Variants in LRMDA observed in about 807,000 individuals in gnomAD.
LRMDA encodes leucine rich melanocyte differentiation associated, also known as leucine-rich melanocyte differentiation-associated protein.
A neutral mutation model predicts 29.8 loss-of-function variants in LRMDA; 18 were observed. The observed-to-expected ratio is 0.60, with a 90% confidence interval of 0.42 to 0.90. LRMDA has a LOEUF of 0.90. LRMDA is among the 40% of genes least tolerant of loss of function. LRMDA has a pLI of 0.00. For synonymous variants in LRMDA, 125 were observed against 109.4 expected (o/e 1.14, Z -0.89); for missense variants, 273 against 273.9 (o/e 1.00, Z 0.02).
intron 2 of LRMDA, among the ~76,000 whole-genome samples, chr10:75,680,763 A>G (rs1842013626): frequency 6.6e-6 from 1 of 152,174 alleles, no homozygotes; most frequent in Non-Finnish European, 1.5e-5. Flanking sequence ...TAATCCCAGC[A>G]CTTTGAGAGG....
intron 2 of LRMDA, among the ~76,000 whole-genome samples, chr10:75,496,257 A>C (rs1455857682): frequency 2.6e-5 from 4 of 152,226 alleles, no homozygotes; most frequent in African/African-American, 9.6e-5. Flanking sequence ...ACCTGGGTTC[A>C]AATCCTCTTG....
chr10:75,591,517 C>T (rs1840724081), intron 2 of LRMDA, among the ~76,000 whole-genome samples: 1 of 152,170 alleles, frequency 6.6e-6, no homozygotes, highest in African/African-American at 2.4e-5. Flanking sequence ...CAGTTTCCTT[C>T]GTCTTTGTAC....
chr10:75,492,482 T>C (rs898744211), intron 2 of LRMDA, among the ~76,000 whole-genome samples: 1 of 152,232 alleles, frequency 6.6e-6, no homozygotes, highest in African/African-American at 2.4e-5. Context: ...CATTGAGGCA[T>C]TTAAGGAAGT....
At chr10:76,451,224 CAG>C (rs1410426895) in intron 6 of LRMDA, among the ~76,000 whole-genome samples, 1 of 150,984 alleles carries the variant, frequency 6.6e-6, no homozygotes, top group Non-Finnish European at 1.5e-5. Flanking sequence ...TTTTTTGAGA[CAG>C]AGTCTCGCTC....
chr10:75,721,683 G>T (rs959895397), intron 2 of LRMDA, among the ~76,000 whole-genome samples: 1 of 152,122 alleles, frequency 6.6e-6, no homozygotes, highest in Non-Finnish European at 1.5e-5. Context: ...CCTTTTCTAG[G>T]TGACATATCA....
chr10:76,256,194 A>G (rs543037708), intron 5 of LRMDA, among the ~76,000 whole-genome samples: 12 of 152,330 alleles, frequency 7.9e-5, no homozygotes, highest in Admixed American at 2.6e-4. Flanking sequence ...ATTGCAATAG[A>G]GTATCACAGT....
chr10:76,402,791 C>T (rs1371812817), intron 6 of LRMDA, among the ~76,000 whole-genome samples: 1 of 152,192 alleles, frequency 6.6e-6, no homozygotes, highest in Non-Finnish European at 1.5e-5. Flanking sequence ...GCGCTCCCTG[C>T]ATTTTCTACC....
At chr10:76,258,572 G>T (rs566913462) in intron 5 of LRMDA, among the ~76,000 whole-genome samples, 2 of 152,012 alleles carry the variant, frequency 1.3e-5, no homozygotes. Context: ...TTATCTGGCT[G>T]TAATTTTTCA....
chr10:75,615,442 C>T (rs1841086687), intron 2 of LRMDA, among the ~76,000 whole-genome samples: 1 of 152,124 alleles, frequency 6.6e-6, no homozygotes, highest in Non-Finnish European at 1.5e-5. Context: ...TTCTTTTGAG[C>T]ATCAAATTGG....
chr10:76,016,479 G>A (rs1847881091), intron 2 of LRMDA, among the ~76,000 whole-genome samples: 1 of 152,006 alleles, frequency 6.6e-6, no homozygotes. Context: ...CAAGAATTGG[G>A]ACTAGATTCT....
intron 6 of LRMDA, among the ~76,000 whole-genome samples, chr10:76,459,786 T>C (rs958569701): frequency 9.9e-5 from 15 of 152,160 alleles, no homozygotes; most frequent in Non-Finnish European, 4.4e-5. Flanking sequence ...AATTTTATTA[T>C]TATTATACTT....
At chr10:75,955,061 TA>T (rs1248681624) in intron 2 of LRMDA, among the ~76,000 whole-genome samples, 1 of 152,228 alleles carries the variant, frequency 6.6e-6, no homozygotes, top group Non-Finnish European at 1.5e-5. Flanking sequence ...CAGTGTTACA[TA>T]AAATCATGCT....
intron 2 of LRMDA, among the ~76,000 whole-genome samples, chr10:75,612,601 C>A (rs1164554263): frequency 6.7e-6 from 1 of 149,500 alleles, no homozygotes; most frequent in Admixed American, 6.7e-5. Context: ...TTCTGATTTC[C>A]AAAGAGTTTG....
intron 2 of LRMDA, among the ~76,000 whole-genome samples, chr10:75,989,059 A>G (rs1207167145): frequency 1.3e-5 from 2 of 152,052 alleles, no homozygotes; most frequent in African/African-American, 2.4e-5. Flanking sequence ...CTCATTTCCC[A>G]TGCAGGTTGC....
intron 2 of LRMDA, among the ~76,000 whole-genome samples, chr10:75,672,682 G>A (rs1247730579): frequency 1.4e-5 from 2 of 144,880 alleles, no homozygotes; most frequent in East Asian, 4.2e-4. Context: ...TGGTTCGAGC[G>A]ATTTTCCCAC....
At chr10:75,587,488 C>CT (rs1840671196) in intron 2 of LRMDA, among the ~76,000 whole-genome samples, 1 of 152,282 alleles carries the variant, frequency 6.6e-6, no homozygotes, top group African/African-American at 2.4e-5. Flanking sequence ...GCTAACCCAT[C>CT]TTTTATATAC....
At chr10:76,170,346 C>T (rs1245169134) in intron 5 of LRMDA, among the ~76,000 whole-genome samples, 1 of 152,174 alleles carries the variant, frequency 6.6e-6, no homozygotes, top group Non-Finnish European at 1.5e-5. Context: ...GAAGTCTGTG[C>T]CAGAGATTTA....
intron 5 of LRMDA, among the ~76,000 whole-genome samples, chr10:76,188,125 T>C (rs760039341): frequency 4.6e-5 from 7 of 152,170 alleles, no homozygotes; most frequent in Admixed American, 1.3e-4. Context: ...CCTGCTTTCA[T>C]TTCCTGGGCA....
chr10:75,632,766 T>TGTTTA (rs1564526933), intron 2 of LRMDA, among the ~76,000 whole-genome samples: 7 of 151,134 alleles, frequency 4.6e-5, no homozygotes, highest in East Asian at 1.9e-4. Flanking sequence ...TTAGTTTTTT[T>TGTTTA]GTTTAGTTTA....
Sources: allele counts gnomAD v4.1 joint callset (sites outside exome capture counted in the v4.1 genomes callset), GRCh38; gene constraint gnomAD v4.1.1; transcripts MANE v1.5; gene names NCBI Gene and HGNC (gene_info 2026-07-23, HGNC 2026-07-21).